The following R3HDM1 variants were observed in gnomAD, a reference collection of about 807,000 sequenced individuals.
R3HDM1 encodes R3H domain containing 1.
R3HDM1 carries 46 observed loss-of-function variants against 141.1 expected under a neutral mutation model. The observed-to-expected ratio is 0.33, with a 90% CI of 0.26 to 0.42. The LOEUF (loss-of-function observed/expected upper bound fraction) is 0.42. R3HDM1 is among the 10% of genes least tolerant of loss of function. The pLI, the probability that R3HDM1 is intolerant of heterozygous loss-of-function variation, is 1.00. For synonymous variants in R3HDM1, 435 were observed against 472.9 expected, an observed-to-expected ratio of 0.92 and a Z score of 1.04; for missense variants, 1,184 against 1,368.3, an observed-to-expected ratio of 0.87 and a Z score of 2.12.
intron 1 of R3HDM1, chr2:135,566,920 C>A: frequency 5.2e-6 from 1 of 192,662 alleles, no homozygotes; most frequent in Non-Finnish European, 9.4e-6. Context: ...TGCACTGAGC[C>A]GAGTACTGCC....
intron 2 of R3HDM1, among the ~76,000 whole-genome samples, chr2:135,602,914 G>A (rs2059736497): frequency 6.6e-6 from 1 of 151,890 alleles, no homozygotes; most frequent in Non-Finnish European, 1.5e-5. Context: ...GTCTGTCTGT[G>A]ACTTTAAGAC....
chr2:135,537,672 T>TTTTATTTTAC, intron 1 of R3HDM1, among the ~76,000 whole-genome samples: 1 of 136,576 alleles, frequency 7.3e-6, no homozygotes, highest in East Asian at 2.1e-4. Context: ...TTTTATTTTA[T>TTTTATTTTAC]TTTACTTAGA....
At chr2:135,716,285 G>T (rs1450394829) in intron 24 of R3HDM1, among the ~76,000 whole-genome samples, 2 of 152,184 alleles carry the variant, frequency 1.3e-5, no homozygotes, top group East Asian at 1.9e-4. Context: ...GGACAGCAGA[G>T]CAAGACTCTT....
chr2:135,606,479 A>C (rs1216047204), intron 3 of R3HDM1: 1 of 152,198 alleles, frequency 6.6e-6, no homozygotes, highest in Non-Finnish European at 1.5e-5. Flanking sequence ...ATTCAAAAAA[A>C]AATTGTTTAG....
At chr2:135,549,089 C>T (rs1248375146) in intron 1 of R3HDM1, among the ~76,000 whole-genome samples, 1 of 152,134 alleles carries the variant, frequency 6.6e-6, no homozygotes, top group East Asian at 1.9e-4. Flanking sequence ...CTAGAATTAA[C>T]CTTTCTAACT....
chr2:135,553,714 C>T (rs1282832027), intron 1 of R3HDM1, among the ~76,000 whole-genome samples: 8 of 152,132 alleles, frequency 5.3e-5, no homozygotes, highest in South Asian at 2.1e-4. Context: ...GTTTTTGAGA[C>T]GGAGTCTCAC....
At chr2:135,671,042 G>A (rs907155873) in intron 19 of R3HDM1, among the ~76,000 whole-genome samples, 6 of 151,032 alleles carry the variant, frequency 4.0e-5, no homozygotes, top group African/African-American at 1.5e-4. Flanking sequence ...TGGGCGATAG[G>A]GTAGGACTCT....
chr2:135,582,190 C>A (rs1706964351), intron 1 of R3HDM1, among the ~76,000 whole-genome samples: 1 of 152,064 alleles, frequency 6.6e-6, no homozygotes, highest in Non-Finnish European at 1.5e-5. Context: ...ATTAGCCAGG[C>A]ATGGTGGCGC....
intron 7 of R3HDM1, among the ~76,000 whole-genome samples, chr2:135,629,269 T>C (rs1219672956): frequency 3.3e-5 from 5 of 152,038 alleles, no homozygotes; most frequent in Non-Finnish European, 2.9e-5. Context: ...GGAGCCGAGA[T>C]TGTGCCACTG....
At chr2:135,645,571 T>C (rs775401515) in intron 16 of R3HDM1, 44 bp downstream of exon 16, 2 of 1,590,650 alleles carry the variant, frequency 1.3e-6, no homozygotes, top group Non-Finnish European at 1.7e-6. Flanking sequence ...GACTTGCCTT[T>C]ACATATTTGG....
In R3HDM1 at chr2:135,626,415, C is replaced by G. The variant is rs78100112; in HGVS notation, c.497+3683C>G. 3.0e-3 allele frequency among the ~76,000 whole-genome samples: 453 copies of G among 152,192 alleles called. 2 individuals carry two copies. The highest frequency in any genetic ancestry group is 0.01 in the African/African-American group (429 of 41,520). ...AGTTAGAAATTGTTGGCTATTTTAA[C>G]AAGTCATTTCATTTGGGATAGGGTG... On this transcript the variant is annotated intron_variant, in intron 7 of 26. Coordinates refer to ENST00000683871, the MANE Select transcript of R3HDM1 (RefSeq NM_001378107.1).
At chr2:135,531,757 T>A (rs185782998) in intron 1 of R3HDM1, 124 bp downstream of exon 1, 3 of 985,590 alleles carry the variant, frequency 3.0e-6, no homozygotes, top group Non-Finnish European at 3.6e-6. Context: ...ATGTGGTGTG[T>A]GGAAAGGTGG....
chr2:135,612,308 A>G (rs755382602), intron 3 of R3HDM1, among the ~76,000 whole-genome samples: 1 of 152,176 alleles, frequency 6.6e-6, no homozygotes, highest in Non-Finnish European at 1.5e-5. Flanking sequence ...TAACCTCTTC[A>G]AGGTGTTTTG....
At chr2:135,605,711 GTC>G (rs201586524) in intron 3 of R3HDM1, 10,337 of 152,110 alleles carry the variant, frequency 0.068, 718 homozygotes, top group African/African-American at 0.18. Context: ...TTGAGATGGA[GTC>G]TCTCTCTGTC....
Position 135,602,591 on chromosome 2 carries a change from A to G in R3HDM1, c.-158A>G. On this transcript the variant is annotated 5_prime_UTR_variant, in exon 2 of 27. Transcript: ENST00000683871. Reference sequence around the variant, plus strand: ...ACAAGGACATGGGACTCCTCCTGCCAGATTACAGATGGTTCACTACAGTTG... The same window carrying G: ...ACAAGGACATGGGACTCCTCCTGCCGGATTACAGATGGTTCACTACAGTTG... 6.5e-7 allele frequency: 1 copy of G among 1,540,796 alleles called. No individual in the cohort carries two copies. The highest frequency in any genetic ancestry group is 8.7e-7 in the Non-Finnish European group (1 of 1,143,992).
intron 21 of R3HDM1, 65 bp from the exon 22 acceptor site, chr2:135,709,368 A>T (rs111446698): frequency 1.4e-5 from 23 of 1,598,752 alleles, no homozygotes; most frequent in Non-Finnish European, 1.9e-5. Context: ...CACCGCGCCC[A>T]GCCCATTCAA....
chr2:135,649,840 A>T (rs2064948637), intron 16 of R3HDM1, 62 bp from the exon 17 acceptor site: 1 of 996,970 alleles, frequency 1.0e-6, no homozygotes, highest in African/African-American at 1.7e-5. Flanking sequence ...TTTCCGTTTT[A>T]TGCAATTCTT....
At chr2:135,673,601 C>T (rs949997358) in intron 19 of R3HDM1, among the ~76,000 whole-genome samples, 1 of 152,124 alleles carries the variant, frequency 6.6e-6, no homozygotes. Context: ...ATAGGAAATT[C>T]ACAAGGAATA....
At chr2:135,642,856 A>T (rs1300267477) in intron 15 of R3HDM1, among the ~76,000 whole-genome samples, 1 of 152,226 alleles carries the variant, frequency 6.6e-6, no homozygotes, top group Non-Finnish European at 1.5e-5. Flanking sequence ...TAAGTATTAA[A>T]TTAGCATAAA....
Sources: gnomAD v4.1 joint callset for allele counts (sites outside exome capture counted in the v4.1 genomes callset) on GRCh38, gnomAD v4.1.1 for gene constraint, MANE v1.5 for transcripts, NCBI Gene and HGNC (gene_info 2026-07-23, HGNC 2026-07-21) for gene names.